EYS: variants seen among roughly 807,000 people sequenced by gnomAD.
The protein encoded by EYS is protein eyes shut homolog.
EYS carries 250 observed loss-of-function variants against 282.1 expected under a neutral mutation model. That is an observed-to-expected ratio of 0.89 (90% confidence interval 0.80 to 0.98). The LOEUF (loss-of-function observed/expected upper bound fraction) is 0.98, where lower values mean the gene tolerates loss of function less well. EYS is among the 50% of genes least tolerant of loss of function. The pLI is 0.00. For synonymous variants in EYS, 1,355 were observed against 1,282.9 expected (o/e 1.06, Z -1.20); for missense variants, 4,016 against 3,709.0 (o/e 1.08, Z -2.15).
chr6:64,430,441 T>C (rs957607733), intron 28 of EYS, among the ~76,000 whole-genome samples: 6 of 152,296 alleles, frequency 3.9e-5, no homozygotes, highest in East Asian at 1.9e-4. Context: ...TTTGATGAAG[T>C]TATAATTATT....
intron 41 of EYS, among the ~76,000 whole-genome samples, chr6:63,746,350 A>G (rs559430108): frequency 1.3e-5 from 2 of 152,346 alleles, no homozygotes; most frequent in East Asian, 3.9e-4. Flanking sequence ...GGATTTTTGC[A>G]TCAATGTTCA....
chr6:64,252,677 T>C (rs1222220408), intron 30 of EYS, among the ~76,000 whole-genome samples: 1 of 152,222 alleles, frequency 6.6e-6, no homozygotes, highest in Admixed American at 6.6e-5. Context: ...CTCTGCTTTG[T>C]CCTACTTTCC....
chr6:64,316,822 G>C (rs1394809634), intron 29 of EYS, among the ~76,000 whole-genome samples: 1 of 152,050 alleles, frequency 6.6e-6, no homozygotes, highest in Non-Finnish European at 1.5e-5. Flanking sequence ...TATACTACAA[G>C]GCTACAGTAA....
intron 26 of EYS, among the ~76,000 whole-genome samples, chr6:64,561,513 C>A (rs1358691325): frequency 6.6e-6 from 1 of 152,070 alleles, no homozygotes; most frequent in African/African-American, 2.4e-5. Flanking sequence ...AAGTCATTAG[C>A]ATTCCTGTAC....
At chr6:64,691,247 A>C (rs912863344) in intron 22 of EYS, among the ~76,000 whole-genome samples, 8 of 152,124 alleles carry the variant, frequency 5.3e-5, no homozygotes, top group Admixed American at 1.3e-4. Flanking sequence ...CGAACAGGGC[A>C]TGGATGACTA....
At position 64,550,923 on chromosome 6, in the gene EYS, C is replaced by T. The variant is rs569921418; in HGVS notation, c.5644+39300G>A. On this transcript the variant is annotated intron_variant, in intron 26 of 42. Transcript: ENST00000503581. ...TTACAAGGGACGTGAAGGATCTCTTCAAGGAGAAATCTTTGTTTTTAATAT... is the reference window on the plus strand; with the variant it reads ...TTACAAGGGACGTGAAGGATCTCTTTAAGGAGAAATCTTTGTTTTTAATAT... 2.6e-5 allele frequency among the ~76,000 whole-genome samples: 4 copies of T among 152,160 alleles called. No homozygotes were observed. In the South Asian group the frequency reaches 8.3e-4, roughly 32 times the overall value.
chr6:63,826,745 T>C (rs1771471218), intron 36 of EYS, among the ~76,000 whole-genome samples: 1 of 148,508 alleles, frequency 6.7e-6, no homozygotes, highest in Non-Finnish European at 1.5e-5. Context: ...TAAAAGGAGC[T>C]CTAAATCTTG....
At chr6:64,545,442 T>C (rs1764825023) in intron 26 of EYS, among the ~76,000 whole-genome samples, 1 of 152,136 alleles carries the variant, frequency 6.6e-6, no homozygotes, top group South Asian at 2.1e-4. Flanking sequence ...CTGGAGGCAT[T>C]CCCTTTGAAA....
At chr6:65,197,108 A>G (rs772901162) in intron 12 of EYS, among the ~76,000 whole-genome samples, 1 of 152,114 alleles carries the variant, frequency 6.6e-6, no homozygotes, top group Non-Finnish European at 1.5e-5. Flanking sequence ...AGTTGTAGGC[A>G]CTGTTAGAGG....
intron 21 of EYS, among the ~76,000 whole-genome samples, chr6:64,814,371 A>G (rs1304317580): frequency 3.3e-5 from 5 of 152,048 alleles, no homozygotes; most frequent in African/African-American, 1.2e-4. Context: ...ATGGTGTGCT[A>G]TGAGAGTTAA....
chr6:64,910,918 G>C (rs1190197659), intron 16 of EYS, among the ~76,000 whole-genome samples: 1 of 151,930 alleles, frequency 6.6e-6, no homozygotes, highest in Non-Finnish European at 1.5e-5. Flanking sequence ...GAAAACAAAG[G>C]AAGTTTGTCT....
intron 12 of EYS, among the ~76,000 whole-genome samples, chr6:65,218,681 T>G (rs146842443): frequency 1.7e-3 from 266 of 152,238 alleles, no homozygotes; most frequent in African/African-American, 6.2e-3. Context: ...CACTCAAGAT[T>G]TGTGAGAAAG....
intron 36 of EYS, among the ~76,000 whole-genome samples, chr6:63,827,545 G>C (rs1209833065): frequency 1.3e-5 from 2 of 152,132 alleles, no homozygotes; most frequent in East Asian, 3.9e-4. Flanking sequence ...GTAAATTTCA[G>C]AAAATTGAAA....
intron 22 of EYS, among the ~76,000 whole-genome samples, chr6:64,786,359 C>T (rs1222869940): frequency 2.0e-5 from 3 of 151,974 alleles, no homozygotes; most frequent in East Asian, 1.9e-4. Context: ...TATATATAGA[C>T]GTTGGAAGAG....
chr6:64,091,202 G>A (rs78919477), intron 31 of EYS, among the ~76,000 whole-genome samples: 43 of 152,092 alleles, frequency 2.8e-4, no homozygotes, highest in East Asian at 1.7e-3. Context: ...TCTTTACCTC[G>A]TCTTAAATCA....
chr6:63,981,501 G>C (rs1321315092), intron 35 of EYS, among the ~76,000 whole-genome samples: 1 of 151,842 alleles, frequency 6.6e-6, no homozygotes, highest in Non-Finnish European at 1.5e-5. Flanking sequence ...AACGGTGTAA[G>C]TAGTAGTTTA....
rs578244114 is a variant in EYS, at chr6:65,523,289, A to T, written c.-332-27296T>A. Among the ~76,000 whole-genome samples the T allele has an allele frequency of 1.7e-4, 26 of 152,342 alleles. 2 individuals carry two copies. In the South Asian group the frequency reaches 5.2e-3, roughly 30 times the overall value. On this transcript the variant is annotated intron_variant, in intron 2 of 42. Coordinates refer to ENST00000503581, the MANE Select transcript of EYS (RefSeq NM_001142800.2). Reference sequence around the variant, plus strand: ...CACTTATGTGACAGTTAAAAAAATAAATTGTGATACACACACACAAACATA... The same window carrying T: ...CACTTATGTGACAGTTAAAAAAATATATTGTGATACACACACACAAACATA...
intron 26 of EYS, among the ~76,000 whole-genome samples, chr6:64,476,166 C>T (rs1213518553): frequency 1.3e-5 from 2 of 152,028 alleles, no homozygotes; most frequent in African/African-American, 2.4e-5. Context: ...ATTAGCAATC[C>T]TGGACAACAA....
At chr6:65,306,386 C>T (rs1174907818) in intron 11 of EYS, among the ~76,000 whole-genome samples, 3 of 152,196 alleles carry the variant, frequency 2.0e-5, no homozygotes, top group Non-Finnish European at 4.4e-5. Flanking sequence ...CGACACACCT[C>T]TACCAATCCA....
Sources: allele counts gnomAD v4.1 joint callset (sites outside exome capture counted in the v4.1 genomes callset), GRCh38; gene constraint gnomAD v4.1.1; transcripts MANE v1.5; gene names NCBI Gene and HGNC (gene_info 2026-07-23, HGNC 2026-07-21).